LPP: variants seen among roughly 807,000 people sequenced by gnomAD.
The protein encoded by LPP is LIM domain containing preferred translocation partner in lipoma.
A neutral mutation model predicts 60.4 loss-of-function variants in LPP; 38 were observed. The observed-to-expected ratio is 0.63, with a 90% CI of 0.49 to 0.83. The LOEUF (loss-of-function observed/expected upper bound fraction) is 0.83, where lower values mean the gene tolerates loss of function less well. Among genes scored for constraint, LPP ranks in the 40% least tolerant of loss-of-function variants. The pLI is 0.00. For missense variants in LPP, 902 were observed against 783.6 expected (o/e 1.15, Z -1.80); for synonymous variants, 328 against 290.8 (o/e 1.13, Z -1.30).
Position 188,684,621 on chromosome 3 carries a change from G to A in LPP, c.1114-23646G>A, listed in dbSNP as rs530286902. ...TTAGAAATGGAGCCGTCAGCAAATA[G>A]AATCTGTTGTTTCATTTAATTACTT... On this transcript the variant is annotated intron_variant, in intron 7 of 11. Coordinates refer to ENST00000617246, the MANE Select transcript of LPP (RefSeq NM_001375462.1). 4.0e-5 allele frequency among the ~76,000 whole-genome samples: 6 copies of A among 148,946 alleles called. No homozygotes were observed. In the East Asian group the frequency reaches 9.7e-4, roughly 24 times the overall value.
intron 2 of LPP, among the ~76,000 whole-genome samples, chr3:188,303,467 C>T (rs375523424): frequency 1.1e-4 from 16 of 152,318 alleles, no homozygotes; most frequent in African/African-American, 3.8e-4. Context: ...ATGACTCAGA[C>T]TCCTTCTCTG....
intron 6 of LPP, among the ~76,000 whole-genome samples, chr3:188,541,522 A>G (rs542541823): frequency 1.3e-5 from 2 of 152,116 alleles, no homozygotes; most frequent in Admixed American, 6.5e-5. Context: ...CCCTGCATAC[A>G]TAGTACATTG....
chr3:188,461,706 A>C (rs777093137), intron 4 of LPP, among the ~76,000 whole-genome samples: 19 of 152,198 alleles, frequency 1.2e-4, no homozygotes, highest in Non-Finnish European at 2.4e-4. Context: ...ACTCAGGCTT[A>C]AATAGCTCTC....
At chr3:188,873,218 T>C (rs946282007) in intron 11 of LPP, among the ~76,000 whole-genome samples, 2 of 152,236 alleles carry the variant, frequency 1.3e-5, no homozygotes, top group African/African-American at 4.8e-5. Context: ...GCAGTATATC[T>C]GCATGTTCTT....
intron 8 of LPP, among the ~76,000 whole-genome samples, chr3:188,717,503 C>A (rs1714514226): frequency 6.6e-6 from 1 of 152,016 alleles, no homozygotes; most frequent in African/African-American, 2.4e-5. Flanking sequence ...TAATGAAAAA[C>A]CCCAAAACCA....
chr3:188,427,143 G>A (rs1241169394), intron 4 of LPP, among the ~76,000 whole-genome samples: 6 of 152,126 alleles, frequency 3.9e-5, no homozygotes, highest in Admixed American at 3.3e-4. Flanking sequence ...TGTAAAGCAG[G>A]CCTTGTGTTG....
At chr3:188,749,407 T>C (rs1406459310) in intron 8 of LPP, among the ~76,000 whole-genome samples, 1 of 152,214 alleles carries the variant, frequency 6.6e-6, no homozygotes, top group Non-Finnish European at 1.5e-5. Context: ...GAATGGCTAC[T>C]TTCTAAATTT....
At chr3:188,608,508 C>CTCTGT (rs10648006) in intron 6 of LPP, among the ~76,000 whole-genome samples, 147,867 of 151,944 alleles carry the variant, frequency 0.97, 72,077 homozygotes, top group Middle Eastern at 1. Flanking sequence ...TTTCCGGGCT[C>CTCTGT]TCTGTTCTGT....
At position 188,337,617 on chromosome 3, in the gene LPP, T is replaced by C. The variant is rs551365481; in HGVS notation, c.-66-4046T>C. ...CTGTTACTTCTCTGATGCAGTCTGG[T>C]ACACTGCCTTAGTTATTATTTTTTC... On this transcript the variant is annotated intron_variant, in intron 2 of 11. Transcript: ENST00000617246. Among the ~76,000 whole-genome samples the C allele has an allele frequency of 5.3e-5, 8 of 152,334 alleles. No homozygotes were observed. In the East Asian group the frequency reaches 1.5e-3, roughly 29 times the overall value.
At chr3:188,683,258 G>A (rs895265556) in intron 7 of LPP, among the ~76,000 whole-genome samples, 3 of 151,938 alleles carry the variant, frequency 2.0e-5, no homozygotes, top group Admixed American at 6.6e-5. Flanking sequence ...TTCTCTGACC[G>A]TGAGTCAGAC....
At chr3:188,322,833 T>G (rs1757333423) in intron 2 of LPP, among the ~76,000 whole-genome samples, 1 of 152,240 alleles carries the variant, frequency 6.6e-6, no homozygotes, top group Admixed American at 6.5e-5. Flanking sequence ...CACAAAGTTG[T>G]GATATGTTAA....
intron 6 of LPP, among the ~76,000 whole-genome samples, chr3:188,541,805 G>A (rs1284178630): frequency 6.6e-6 from 1 of 152,042 alleles, no homozygotes; most frequent in East Asian, 1.9e-4. Context: ...GCTGAGGCAG[G>A]AGAATTGCTT....
intron 9 of LPP, among the ~76,000 whole-genome samples, chr3:188,809,399 C>T (rs1750185729): frequency 6.6e-6 from 1 of 152,122 alleles, no homozygotes. Context: ...GATGGCATCT[C>T]ATTGTGATTT....
intron 2 of LPP, among the ~76,000 whole-genome samples, chr3:188,298,987 G>A (rs1283877133): frequency 6.6e-6 from 1 of 152,188 alleles, no homozygotes; most frequent in East Asian, 1.9e-4. Flanking sequence ...CAGGCCCTAA[G>A]CAGGCCCAGA....
chr3:188,680,505 T>C (rs2149358799), intron 7 of LPP, among the ~76,000 whole-genome samples: 1 of 152,352 alleles, frequency 6.6e-6, no homozygotes, highest in South Asian at 2.1e-4. Context: ...CTTACTTCTC[T>C]AACTTCATAT....
intron 9 of LPP, among the ~76,000 whole-genome samples, chr3:188,808,692 T>G (rs2151277054): frequency 6.6e-6 from 1 of 152,324 alleles, no homozygotes; most frequent in East Asian, 1.9e-4. Context: ...TTACTTTAAG[T>G]TCCAGGATAC....
intron 7 of LPP, among the ~76,000 whole-genome samples, chr3:188,679,920 CTG>C (rs1353601692): frequency 6.6e-6 from 1 of 152,164 alleles, no homozygotes; most frequent in East Asian, 1.9e-4. Flanking sequence ...TCTGCTGTCA[CTG>C]TGCTGCCTTT....
intron 5 of LPP, among the ~76,000 whole-genome samples, chr3:188,510,736 C>T (rs1441238505): frequency 2.0e-5 from 3 of 152,196 alleles, no homozygotes. Context: ...CTCGTGTTTG[C>T]CAAGTACACT....
intron 2 of LPP, among the ~76,000 whole-genome samples, chr3:188,327,475 A>G (rs1242651895): frequency 6.6e-6 from 1 of 152,122 alleles, no homozygotes; most frequent in Non-Finnish European, 1.5e-5. Context: ...TTGTATTCTT[A>G]TTTTACGTTA....
Sources: gnomAD v4.1 joint callset for allele counts (sites outside exome capture counted in the v4.1 genomes callset) on GRCh38, gnomAD v4.1.1 for gene constraint, MANE v1.5 for transcripts, NCBI Gene and HGNC (gene_info 2026-07-23, HGNC 2026-07-21) for gene names.